The following TPD52 variants were observed in gnomAD, a reference collection of about 807,000 sequenced individuals.
TPD52 encodes the protein prostate and colon associated protein.
Under a neutral mutation model 31.3 loss-of-function variants are expected in TPD52, and 17 were observed. The observed-to-expected ratio is 0.54, with a 90% CI of 0.37 to 0.82. TPD52 has a LOEUF of 0.82. TPD52 is among the 40% of genes least tolerant of loss of function. The probability of loss-of-function intolerance (pLI) is 0.00; values close to 1 mark genes in which losing one functional copy is unlikely to be tolerated. For synonymous variants in TPD52, 83 were observed against 89.6 expected, an observed-to-expected ratio of 0.93 and a Z score of 0.42; for missense variants, 212 against 240.1, an observed-to-expected ratio of 0.88 and a Z score of 0.77.
chr8:80,105,714 C>A (rs190601260), intron 1 of TPD52, among the ~76,000 whole-genome samples: 8 of 149,330 alleles, frequency 5.4e-5, no homozygotes, highest in Non-Finnish European at 1.2e-4. Context: ...TAGGATTACA[C>A]CCATCCCAGG....
In TPD52 at chr8:80,100,966, G is replaced by T. The variant is rs550070399; in HGVS notation, c.20-36373C>A. Among the ~76,000 whole-genome samples, 120 of 152,274 alleles carry T rather than the reference G, an allele frequency of 7.9e-4. 2 individuals carry two copies. Among genetic ancestry groups the T allele is most frequent in the Non-Finnish European group, 5.9e-5 (4 of 68,026 alleles). ...TGACCAAATGTCTGGGCACCCCATG[G>T]CACAGTCAAGTCCACACATACATTT... is the stretch of plus-strand genomic sequence containing the variant. On this transcript the variant is annotated intron_variant, in intron 1 of 7. Transcript: ENST00000518937.
intron 5 of TPD52, among the ~76,000 whole-genome samples, chr8:80,046,173 C>G (rs769764308): frequency 2.6e-5 from 4 of 152,138 alleles, no homozygotes; most frequent in Non-Finnish European, 4.4e-5. Context: ...AAGGAAGTGA[C>G]TAGACTGTTT....
chr8:80,159,239 T>G (rs1563669854), intron 1 of TPD52, among the ~76,000 whole-genome samples: 1 of 152,176 alleles, frequency 6.6e-6, no homozygotes, highest in Non-Finnish European at 1.5e-5. Context: ...TTATCCAATG[T>G]CTCACAACCA....
At chr8:80,077,445 G>C (rs1814710157) in intron 1 of TPD52, among the ~76,000 whole-genome samples, 1 of 152,160 alleles carries the variant, frequency 6.6e-6, no homozygotes, top group Non-Finnish European at 1.5e-5. Flanking sequence ...AGAATGTTGA[G>C]ATCCAAGTGG....
intron 1 of TPD52, among the ~76,000 whole-genome samples, chr8:80,163,327 T>A (rs1811485894): frequency 6.6e-6 from 1 of 152,198 alleles, no homozygotes; most frequent in Non-Finnish European, 1.5e-5. Flanking sequence ...TACACACGCA[T>A]GAGCCCCGAT....
intron 1 of TPD52, among the ~76,000 whole-genome samples, chr8:80,135,413 C>A (rs528781737): frequency 2.6e-5 from 4 of 152,166 alleles, no homozygotes; most frequent in Non-Finnish European, 5.9e-5. Context: ...TCTCACCCTA[C>A]CTGCCCCAGC....
intron 1 of TPD52, among the ~76,000 whole-genome samples, chr8:80,168,252 G>A (rs1811847175): frequency 6.6e-6 from 1 of 152,150 alleles, no homozygotes; most frequent in East Asian, 1.9e-4. Context: ...AAAACTCAGT[G>A]TTTATTTTAA....
intron 1 of TPD52, among the ~76,000 whole-genome samples, chr8:80,076,833 G>A (rs147456027): frequency 5.8e-4 from 88 of 152,116 alleles, no homozygotes; most frequent in African/African-American, 1.9e-3. Context: ...CACCATGCCC[G>A]ATTAATTCTT....
At chr8:80,083,668 A>G (rs1815510186) in intron 1 of TPD52, among the ~76,000 whole-genome samples, 1 of 152,182 alleles carries the variant, frequency 6.6e-6, no homozygotes, top group Admixed American at 6.6e-5. Context: ...CTGTGAGTCA[A>G]TTAAACCTTT....
intron 1 of TPD52, among the ~76,000 whole-genome samples, chr8:80,095,804 T>C (rs1816681183): frequency 6.6e-6 from 1 of 152,094 alleles, no homozygotes; most frequent in African/African-American, 2.4e-5. Flanking sequence ...AAAAATTAGC[T>C]GAGTGTAGCG....
intron 7 of TPD52, among the ~76,000 whole-genome samples, chr8:80,040,043 A>G (rs1281642799): frequency 6.6e-6 from 1 of 152,192 alleles, no homozygotes; most frequent in Non-Finnish European, 1.5e-5. Context: ...ATGCTCAGTA[A>G]TCACAGATGA....
At chr8:80,127,824 AC>A (rs1355553907) in intron 1 of TPD52, among the ~76,000 whole-genome samples, 6 of 98,532 alleles carry the variant, frequency 6.1e-5, no homozygotes, top group African/African-American at 2.0e-4. Context: ...ACACACACAC[AC>A]ACACACACAC....
chr8:80,062,483 G>T (rs1002881243), intron 2 of TPD52, among the ~76,000 whole-genome samples: 4 of 152,068 alleles, frequency 2.6e-5, no homozygotes, highest in African/African-American at 9.7e-5. Flanking sequence ...ATTTAGAAAT[G>T]GATTCTTAGA....
At position 80,073,495 on chromosome 8, in the gene TPD52, C is replaced by T. The variant is rs149088073; in HGVS notation, c.20-8902G>A. On this transcript the variant is annotated intron_variant, in intron 1 of 7. Transcript: ENST00000518937. ...TCTTGGCTCTGGGAATAAGAACCTA[C>T]GGTCCAGTCTATTGTATAGAATACA... Among the ~76,000 whole-genome samples the T allele has an allele frequency of 8.4e-3, 1,285 of 152,306 alleles. 23 individuals carry two copies. The highest frequency in any genetic ancestry group is 0.029 in the African/African-American group (1,221 of 41,552).
intron 1 of TPD52, among the ~76,000 whole-genome samples, chr8:80,149,913 C>T (rs1199011293): frequency 6.6e-6 from 1 of 152,222 alleles, no homozygotes; most frequent in Non-Finnish European, 1.5e-5. Context: ...GGAAGAAAGT[C>T]AAGCTAGCTG....
chr8:80,054,346 A>G (rs1033985612), intron 2 of TPD52, among the ~76,000 whole-genome samples: 8 of 152,198 alleles, frequency 5.3e-5, no homozygotes, highest in African/African-American at 1.7e-4. Context: ...AAAAATGGAC[A>G]GAGTAGAACA....
chr8:80,064,819 T>C (rs759671677), intron 1 of TPD52: 5 of 666,926 alleles, frequency 7.5e-6, no homozygotes, highest in East Asian at 2.9e-5. Flanking sequence ...TTAGAAAATA[T>C]AGCATTCTCT....
chr8:80,044,155 AAT>A lies in TPD52; in HGVS notation c.455+10_455+11del, dbSNP rs1342158547. The stretch of plus-strand genomic sequence containing the variant: ...CATAAGACCAACTACATTTCATAAA[AAT>A]ATACTTTACCTCATAGCAGGCATGC... On this transcript the variant is annotated intron_variant, in intron 6 of 7. Transcript: ENST00000518937. 6.3e-7 allele frequency: 1 copy of A among 1,583,506 alleles called. No individual in the cohort carries two copies. The highest frequency in any genetic ancestry group is 2.3e-5 in the East Asian group (1 of 44,282).
At chr8:80,171,111 C>A in intron 1 of TPD52, 1 of 663,664 alleles carries the variant, frequency 1.5e-6, no homozygotes, top group East Asian at 2.9e-5. Context: ...ACGCGGCTTT[C>A]CACCCAAAGC....
Sources: allele counts gnomAD v4.1 joint callset (sites outside exome capture counted in the v4.1 genomes callset), GRCh38; gene constraint gnomAD v4.1.1; transcripts MANE v1.5; gene names NCBI Gene and HGNC (gene_info 2026-07-23, HGNC 2026-07-21).